ITGAV: variants seen among roughly 807,000 people sequenced by gnomAD.
The protein encoded by ITGAV is integrin subunit alpha V, also known as integrin alpha-V.
ITGAV carries 76 observed loss-of-function variants against 143.8 expected under a neutral mutation model. The observed-to-expected ratio is 0.53, with a 90% CI of 0.44 to 0.64. The LOEUF is 0.64. ITGAV is among the 30% of genes least tolerant of loss of function. The pLI, the probability that ITGAV is intolerant of heterozygous loss-of-function variation, is 0.00. For missense variants in ITGAV, 1,193 were observed against 1,274.7 expected (o/e 0.94, Z 0.98); for synonymous variants, 453 against 446.7 (o/e 1.01, Z -0.18).
intron 19 of ITGAV, among the ~76,000 whole-genome samples, chr2:186,664,040 T>C (rs909520363): frequency 6.6e-6 from 1 of 152,224 alleles, no homozygotes; most frequent in Non-Finnish European, 1.5e-5. Flanking sequence ...GAAAGAGTTA[T>C]TACCATTCAA....
chr2:186,622,674 G>A (rs549894312), intron 3 of ITGAV, among the ~76,000 whole-genome samples: 16 of 152,240 alleles, frequency 1.1e-4, no homozygotes, highest in African/African-American at 2.6e-4. Flanking sequence ...CCACTTGACA[G>A]TTCCTATCAG....
intron 1 of ITGAV, among the ~76,000 whole-genome samples, chr2:186,594,351 A>C (rs915412873): frequency 4.0e-5 from 6 of 151,736 alleles, no homozygotes; most frequent in African/African-American, 1.2e-4. Flanking sequence ...CTCATGTTCT[A>C]TTTTTCTGTG....
chr2:186,640,095 T>C (rs1688060569), intron 10 of ITGAV, among the ~76,000 whole-genome samples: 1 of 152,224 alleles, frequency 6.6e-6, no homozygotes, highest in African/African-American at 2.4e-5. Context: ...TTTCCTTTTT[T>C]GGTTTGTTGA....
At chr2:186,623,434 C>G (rs993125922) in intron 3 of ITGAV, among the ~76,000 whole-genome samples, 2 of 151,888 alleles carry the variant, frequency 1.3e-5, no homozygotes, top group Non-Finnish European at 2.9e-5. Context: ...ACTGGCTGCT[C>G]TTTTGTAGTC....
chr2:186,667,814 A>G, intron 24 of ITGAV, 38 bp downstream of exon 24: 3 of 1,328,068 alleles, frequency 2.3e-6, no homozygotes, highest in Non-Finnish European at 2.1e-6. Context: ...CCTCGTGAGC[A>G]AGCCAACGAA....
At chr2:186,604,081 G>A (rs1686989896) in intron 2 of ITGAV, among the ~76,000 whole-genome samples, 1 of 151,518 alleles carries the variant, frequency 6.6e-6, no homozygotes, top group Non-Finnish European at 1.5e-5. Flanking sequence ...ATATTGCCCA[G>A]GCTGGTCTCA....
rs201076250 is a variant in ITGAV at position 186,590,506 on chromosome 2, C to T, written c.168C>T (p.Phe56=). Reference sequence around the variant, plus strand: ...ACTTCGGCTTCGCCGTGGATTTCTTCGTGCCCAGCGCGTCTTCGTAAGTGG... The same window carrying T: ...ACTTCGGCTTCGCCGTGGATTTCTTTGTGCCCAGCGCGTCTTCGTAAGTGG... The part of the protein sequence containing the change: ...GSYFGFAVDF[F]VPSASSRMFL... Residue 56 remains phenylalanine (F), a synonymous_variant, in exon 1 of 30, where the codon TTC becomes TTT. Transcript: ENST00000261023. 6 of 1,610,894 alleles carry T rather than the reference C, an allele frequency of 3.7e-6. No individual in the cohort carries two copies. Among genetic ancestry groups the T allele is most frequent in the Non-Finnish European group, 4.2e-6 (5 of 1,179,010 alleles).
At chr2:186,652,268 G>A (rs1225713510) in intron 15 of ITGAV, among the ~76,000 whole-genome samples, 179 bp downstream of exon 15, 2 of 152,188 alleles carry the variant, frequency 1.3e-5, no homozygotes, top group Non-Finnish European at 2.9e-5. Context: ...AGGCTGGTGT[G>A]CAGTGGCACA....
chr2:186,667,240 A>G lies in ITGAV; in HGVS notation c.2327+10A>G. The G allele has an allele frequency of 6.3e-7, 1 of 1,583,842 alleles. No homozygotes were observed. The highest frequency in any genetic ancestry group is 8.7e-7 in the Non-Finnish European group (1 of 1,154,844). ...CAGTTGAGATAAGAGGGTCAGTATG[A>G]ATACTTAGTTGAGTATCTCATTCTC... On this transcript the variant is annotated intron_variant, in intron 23 of 29. Transcript: ENST00000261023.
At chr2:186,633,515 C>A in intron 6 of ITGAV, 141 bp downstream of exon 6, 1 of 324,970 alleles carries the variant, frequency 3.1e-6, no homozygotes, top group Non-Finnish European at 5.7e-6. Flanking sequence ...CTCCATTTTA[C>A]ACAGTGTTTT....
At chr2:186,639,430 GC>G (rs1688042122) in intron 10 of ITGAV, among the ~76,000 whole-genome samples, 1 of 152,090 alleles carries the variant, frequency 6.6e-6, no homozygotes, top group South Asian at 2.1e-4. Flanking sequence ...AACCTGGAGG[GC>G]CCTGCAGTTG....
chr2:186,655,597 C>G (rs139855105), intron 16 of ITGAV, among the ~76,000 whole-genome samples: 1 of 152,256 alleles, frequency 6.6e-6, no homozygotes, highest in Non-Finnish European at 1.5e-5. Context: ...GAGAAACTTG[C>G]GACGCGAATT....
At chr2:186,607,983 A>G (rs1687115568) in intron 2 of ITGAV, among the ~76,000 whole-genome samples, 1 of 152,160 alleles carries the variant, frequency 6.6e-6, no homozygotes, top group African/African-American at 2.4e-5. Context: ...AGCTATGGCT[A>G]TGGAGTTGTT....
intron 2 of ITGAV, among the ~76,000 whole-genome samples, chr2:186,616,359 A>G (rs1009093053): frequency 2.1e-5 from 3 of 145,204 alleles, no homozygotes; most frequent in African/African-American, 7.7e-5. Flanking sequence ...GCTCACTGCA[A>G]GCTCCGCCTC....
chr2:186,608,362 G>T (rs184000225), intron 2 of ITGAV, among the ~76,000 whole-genome samples: 1 of 152,286 alleles, frequency 6.6e-6, no homozygotes, highest in African/African-American at 2.4e-5. Context: ...TTGCTGCATA[G>T]TCTGTTTCTC....
Position 186,666,756 on chromosome 2 carries a change from C to G in ITGAV, c.2219C>G (p.Ser740Cys). 6.3e-7 allele frequency: 1 copy of G among 1,583,874 alleles called. No homozygotes were observed. Among genetic ancestry groups the G allele is most frequent in the Non-Finnish European group, 8.6e-7 (1 of 1,167,458 alleles). The change falls in exon 22 of 30, where the codon TCT becomes TGT. Residue 740 changes from serine (S) to cysteine (C), a missense_variant. By Grantham distance (112) the Ser-to-Cys change is moderately radical. Transcript: ENST00000261023. ...SVHQQSEMDT[S>C]VKFDLQIQSS... Reference sequence around the variant, plus strand: ...CACCAGCAGTCAGAGATGGATACTTCTGTGAAATTTGACTTACAAATCCAA... The same window carrying G: ...CACCAGCAGTCAGAGATGGATACTTGTGTGAAATTTGACTTACAAATCCAA...
chr2:186,616,263 G>A (rs1036305419), intron 2 of ITGAV, among the ~76,000 whole-genome samples: 2 of 146,838 alleles, frequency 1.4e-5, no homozygotes, highest in Non-Finnish European at 3.0e-5. Context: ...CTGAGTCAAT[G>A]ATATACCTTA....
intron 1 of ITGAV, among the ~76,000 whole-genome samples, chr2:186,598,442 T>TG (rs1238031482): frequency 6.7e-6 from 1 of 149,070 alleles, no homozygotes; most frequent in Non-Finnish European, 1.5e-5. Context: ...TAGCATTTTT[T>TG]TTTTTTTTTT....
rs1689199672 is a variant in ITGAV at position 186,676,016 on chromosome 2, T to G, written c.2928+89T>G. 3 of 712,832 alleles carry G rather than the reference T, an allele frequency of 4.2e-6. No individual in the cohort carries two copies. The South Asian group carries it at 5.4e-5, about 13-fold the overall frequency. The allele number at this position is 712,832 out of a possible 1,614,324, so 44.2% of individuals were successfully genotyped here. On this transcript the variant is annotated intron_variant, in intron 28 of 29. Coordinates refer to ENST00000261023, the MANE Select transcript of ITGAV (RefSeq NM_002210.5). ...TTTTGTTTTTTAAAGAACGACAGCT[T>G]AACTTTTTTGATAATTTAAACTAAT... is the stretch of plus-strand genomic sequence containing the variant.
Sources: allele counts gnomAD v4.1 joint callset (sites outside exome capture counted in the v4.1 genomes callset), GRCh38; gene constraint gnomAD v4.1.1; transcripts MANE v1.5; gene names NCBI Gene and HGNC (gene_info 2026-07-23, HGNC 2026-07-21).